Variants in PAPPA observed in about 807,000 individuals in gnomAD.
PAPPA encodes pappalysin-1.
In PAPPA, 60 loss-of-function variants were observed where a neutral mutation model predicts 164.0. That is an observed-to-expected ratio of 0.37 (90% confidence interval 0.30 to 0.45). PAPPA has a LOEUF of 0.45. PAPPA is among the 20% of genes least tolerant of loss of function. The probability of loss-of-function intolerance (pLI) is 1.00; values close to 1 mark genes in which losing one functional copy is unlikely to be tolerated. For synonymous variants in PAPPA, 875 were observed against 814.1 expected (o/e 1.07, Z -1.27); for missense variants, 1,782 against 2,087.3 (o/e 0.85, Z 2.85).
chr9:116,314,416 T>C (rs1320508726), intron 10 of PAPPA, among the ~76,000 whole-genome samples: 1 of 152,184 alleles, frequency 6.6e-6, no homozygotes, highest in Non-Finnish European at 1.5e-5. Context: ...GAGTGAGATA[T>C]GACATACTAA....
chr9:116,323,833 G>A (rs756213207), intron 10 of PAPPA, among the ~76,000 whole-genome samples: 22 of 152,146 alleles, frequency 1.4e-4, no homozygotes, highest in Admixed American at 2.6e-4. Context: ...AGAATGTCAG[G>A]ACTGAAAAGC....
At position 116,154,088 on chromosome 9, in the gene PAPPA, G is replaced by C; in HGVS notation, c.-85G>C. 8.8e-7 allele frequency: 1 copy of C among 1,138,008 alleles called. No individual in the cohort carries two copies. The highest frequency in any genetic ancestry group is 1.1e-6 in the Non-Finnish European group (1 of 918,752). 70.5% of individuals were successfully genotyped at this position (1,138,008 alleles called of 1,614,324 possible). A position where few individuals can be genotyped will look rare whatever the true frequency, so the allele number is the denominator to read the frequency against. On this transcript the variant is annotated 5_prime_UTR_variant, in exon 1 of 22. Transcript: ENST00000328252. The surrounding 1 kb of genome is among the most constrained non-coding windows in gnomAD (Gnocchi z 5.2). ...CGCCCAAGAAGGGTGAAGAAGCGAA[G>C]AAAGTCGAGGCGCCGAGGCTCCCAA...
chr9:116,194,841 G>A (rs562179690), intron 2 of PAPPA, among the ~76,000 whole-genome samples: 17 of 152,242 alleles, frequency 1.1e-4, no homozygotes, highest in African/African-American at 3.6e-4. Flanking sequence ...ATAAAAAAAG[G>A]CCTGGATGAA....
At chr9:116,320,359 C>A (rs1845838932) in intron 10 of PAPPA, among the ~76,000 whole-genome samples, 1 of 152,168 alleles carries the variant, frequency 6.6e-6, no homozygotes, top group South Asian at 2.1e-4. Context: ...CAGAGCTGAG[C>A]CCCAAGGCTG....
chr9:116,326,054 C>G (rs1845916686), intron 10 of PAPPA, among the ~76,000 whole-genome samples: 1 of 150,516 alleles, frequency 6.6e-6, no homozygotes. Context: ...ATCCAGGAGT[C>G]TCTCTCTCTC....
chr9:116,205,069 CTT>C lies in PAPPA; in HGVS notation c.1479-2375_1479-2374del, dbSNP rs61708820. Among the ~76,000 whole-genome samples the C allele has an allele frequency of 6.7e-3, 952 of 142,198 alleles. 31 individuals are homozygous for C. The East Asian group carries it at 0.11, about 16-fold the overall frequency. 93.3% of individuals were successfully genotyped at this position (142,198 alleles called of 152,430 possible). On this transcript the variant is annotated intron_variant, in intron 2 of 21. Coordinates refer to ENST00000328252, the MANE Select transcript of PAPPA (RefSeq NM_002581.5). ...TTTCATCCACAGAGCTGTGTTGTTGCTTTTTTTTTTTTTCCCCCCTTTGGGTG... is the reference window on the plus strand; with the variant it reads ...TTTCATCCACAGAGCTGTGTTGTTGCTTTTTTTTTTTCCCCCCTTTGGGTG...
intron 9 of PAPPA, among the ~76,000 whole-genome samples, chr9:116,297,820 G>A (rs994437777): frequency 6.6e-6 from 1 of 152,166 alleles, no homozygotes; most frequent in Non-Finnish European, 1.5e-5. Context: ...TCATTGTTAA[G>A]AATAGACCCT....
chr9:116,271,349 C>T lies in PAPPA; in HGVS notation c.2886C>T (p.Asp962=). Residue 962 remains aspartate, a synonymous_variant, in exon 9 of 22, where the codon GAC becomes GAT. Coordinates refer to ENST00000328252, the MANE Select transcript of PAPPA (RefSeq NM_002581.5). The surrounding 1 kb of genome is among the most constrained non-coding windows in gnomAD (Gnocchi z 4.2). ...IQKDQGEQCD[D]MNKINGDGCS... ...GAGACCAAGGTGAACAATGCGACGA[C>T]ATGAATAAGATCAATGGTGATGGCT... 9 of 1,613,942 alleles carry T rather than the reference C, an allele frequency of 5.6e-6. No individual in the cohort carries two copies. The highest frequency in any genetic ancestry group is 7.6e-6 in the Non-Finnish European group (9 of 1,179,814).
intron 9 of PAPPA, among the ~76,000 whole-genome samples, chr9:116,283,407 G>A (rs1845290846): frequency 6.6e-6 from 1 of 152,094 alleles, no homozygotes; most frequent in Non-Finnish European, 1.5e-5. Context: ...TCCAGACAGA[G>A]GGTTTTTCTC....
At chr9:116,156,633 G>A (rs919328177) in intron 1 of PAPPA, among the ~76,000 whole-genome samples, 1 of 151,838 alleles carries the variant, frequency 6.6e-6, no homozygotes, top group African/African-American at 2.4e-5. Flanking sequence ...AGAAAGCCAG[G>A]AGCTTTTCCC....
chr9:116,307,563 C>T (rs1419405006), intron 10 of PAPPA, among the ~76,000 whole-genome samples: 1 of 152,086 alleles, frequency 6.6e-6, no homozygotes, highest in Non-Finnish European at 1.5e-5. Context: ...GGTGCCATTA[C>T]ATTCCAGCCT....
intron 1 of PAPPA, among the ~76,000 whole-genome samples, chr9:116,182,801 A>T (rs546936452): frequency 6.6e-6 from 1 of 152,306 alleles, no homozygotes; most frequent in Admixed American, 6.5e-5. Context: ...AGGGTGCATT[A>T]GAAAGATCAG....
At chr9:116,342,543 C>G (rs1230288847) in intron 13 of PAPPA, among the ~76,000 whole-genome samples, 1 of 152,030 alleles carries the variant, frequency 6.6e-6, no homozygotes, top group African/African-American at 2.4e-5. Flanking sequence ...TTTAGCTCCC[C>G]CCGCCTCCAG....
intron 7 of PAPPA, among the ~76,000 whole-genome samples, chr9:116,258,878 A>G (rs776198978): frequency 4.6e-5 from 7 of 152,218 alleles, no homozygotes; most frequent in Non-Finnish European, 8.8e-5. Context: ...TTACGCCTGT[A>G]ATCCCAACAC....
chr9:116,353,618 G>T lies in PAPPA; in HGVS notation c.4176-4G>T, dbSNP rs934087758. The T allele has an allele frequency of 6.2e-7, 1 of 1,613,316 alleles. No individual in the cohort carries two copies. The highest frequency in any genetic ancestry group is 8.5e-7 in the Non-Finnish European group (1 of 1,179,648). On this transcript the variant is annotated splice_polypyrimidine_tract_variant and splice_region_variant and intron_variant, in intron 16 of 21. Transcript: ENST00000328252. ...ATGTCTCCTGTTTGATCCTTTCCTT[G>T]AAGACGGGCCTTCAAGACTCAGTGT...
intron 9 of PAPPA, among the ~76,000 whole-genome samples, chr9:116,300,177 A>G (rs893683033): frequency 6.6e-6 from 1 of 152,178 alleles, no homozygotes; most frequent in Non-Finnish European, 1.5e-5. Flanking sequence ...TTGAACTGCC[A>G]TGAATGCTAC....
chr9:116,327,406 T>G (rs561816089), intron 10 of PAPPA, among the ~76,000 whole-genome samples: 1 of 152,116 alleles, frequency 6.6e-6, no homozygotes, highest in Non-Finnish European at 1.5e-5. Flanking sequence ...CCAGTGTCAC[T>G]GAAGAAACTG....
At chr9:116,322,141 T>C (rs757039449) in intron 10 of PAPPA, among the ~76,000 whole-genome samples, 1 of 152,130 alleles carries the variant, frequency 6.6e-6, no homozygotes, top group Non-Finnish European at 1.5e-5. Flanking sequence ...TAAGAGTTGG[T>C]GCTGGCCAGG....
At chr9:116,356,864 G>A (rs1228058919) in intron 17 of PAPPA, among the ~76,000 whole-genome samples, 1 of 152,172 alleles carries the variant, frequency 6.6e-6, no homozygotes, top group Non-Finnish European at 1.5e-5. Context: ...AAACCTAGAT[G>A]ACAGTTTGAT....
Sources: allele counts gnomAD v4.1 joint callset (sites outside exome capture counted in the v4.1 genomes callset), GRCh38; gene constraint gnomAD v4.1.1; non-coding constraint Gnocchi (gnomAD v3.1); transcripts MANE v1.5; gene names NCBI Gene and HGNC (gene_info 2026-07-23, HGNC 2026-07-21).